SPHKAP: variants seen among roughly 807,000 people sequenced by gnomAD.
SPHKAP encodes A-kinase anchor protein SPHKAP.
Under a neutral mutation model 137.5 loss-of-function variants are expected in SPHKAP, and 67 were observed. The ratio of observed to expected loss-of-function variants is 0.49; its 90% CI spans 0.40 to 0.60. SPHKAP has a LOEUF of 0.60. Ranked by LOEUF, SPHKAP falls within the 20% of genes least tolerant of loss-of-function variation. The pLI is 0.00. For synonymous variants in SPHKAP, 813 were observed against 785.3 expected (o/e 1.04, Z -0.59); for missense variants, 2,097 against 2,069.3 (o/e 1.01, Z -0.26).
chr2:228,103,068 C>T (rs1698226729), intron 3 of SPHKAP, among the ~76,000 whole-genome samples: 1 of 152,156 alleles, frequency 6.6e-6, no homozygotes, highest in African/African-American at 2.4e-5. Context: ...TCATGTTTCA[C>T]TTTTCTTGGT....
intron 1 of SPHKAP, chr2:228,172,888 C>T (rs1446323290): frequency 4.5e-6 from 1 of 222,310 alleles, no homozygotes; most frequent in Non-Finnish European, 7.5e-6. Context: ...CATATCCCTT[C>T]TGTGCACTTT....
At chr2:228,058,057 T>C (rs868688224) in intron 3 of SPHKAP, among the ~76,000 whole-genome samples, 1 of 152,218 alleles carries the variant, frequency 6.6e-6, no homozygotes, top group Admixed American at 6.5e-5. Context: ...CAGTTCCTTG[T>C]ACATCTACAG....
chr2:228,145,607 T>G (rs2106392071), intron 1 of SPHKAP, among the ~76,000 whole-genome samples: 1 of 152,216 alleles, frequency 6.6e-6, no homozygotes, highest in South Asian at 2.1e-4. Context: ...TCCACTTAAT[T>G]TAGGTAACAA....
In SPHKAP at chr2:228,019,389, T is replaced by C. The variant is rs1385470912; in HGVS notation, c.1465A>G (p.Ser489Gly). 1 of 1,614,178 alleles carries C rather than the reference T, an allele frequency of 6.2e-7. No homozygotes were observed. Among genetic ancestry groups the C allele is most frequent in the South Asian group, 1.1e-5 (1 of 91,088 alleles). Residue 489 changes from serine to glycine, a missense_variant, in exon 7 of 12, where the codon AGC becomes GGC. Physicochemically the swap from Ser to Gly is moderately conservative, Grantham distance 56 (BLOSUM62 0). Transcript: ENST00000392056. ...TSSILSGENS[S>G]RQPQSALEVA... The stretch of plus-strand genomic sequence containing the variant: ...TCTAGAGCACTCTGGGGTTGTCTGC[T>C]GGAGTTCTCTCCAGAGAGGATGCTT...
At chr2:228,082,239 G>A (rs1697386943) in intron 3 of SPHKAP, among the ~76,000 whole-genome samples, 1 of 152,086 alleles carries the variant, frequency 6.6e-6, no homozygotes, top group Non-Finnish European at 1.5e-5. Flanking sequence ...TGACATGGCC[G>A]GGAGGAGATT....
At position 228,019,800 on chromosome 2, in the gene SPHKAP, C is replaced by A; in HGVS notation, c.1054G>T (p.Asp352Tyr). The A allele has an allele frequency of 6.2e-7, 1 of 1,614,088 alleles. No homozygotes were observed. The highest frequency in any genetic ancestry group is 1.1e-5 in the South Asian group (1 of 91,054). The change falls in exon 7 of 12, where the codon GAT becomes TAT. Residue 352 changes from aspartate to tyrosine, a missense_variant. Physicochemically the swap from Asp to Tyr is radical, Grantham distance 160. Transcript: ENST00000392056. ...KDAYFSMMDKDVPSACAVAEQ... is the reference protein window; with the variant it reads ...KDAYFSMMDKYVPSACAVAEQ... ...GCCACAGCACATGCAGAAGGTACAT[C>A]TTTATCCATCATGGAGAAATAAGCA...
chr2:228,113,621 CTCTCTCTCT>C (rs1358155923), intron 2 of SPHKAP, among the ~76,000 whole-genome samples: 1 of 140,304 alleles, frequency 7.1e-6, no homozygotes, highest in East Asian at 2.0e-4. Flanking sequence ...CTCTCTCTCT[CTCTCTCTCT>C]CTCTCTCTCT....
At chr2:227,994,022 C>T in intron 8 of SPHKAP, 1 of 985,092 alleles carries the variant, frequency 1.0e-6, no homozygotes, top group Non-Finnish European at 1.2e-6. Flanking sequence ...GAAGGAACTT[C>T]TGAAAACATG....
chr2:228,052,940 A>C lies in SPHKAP; in HGVS notation c.247-25397T>G, dbSNP rs796963689. Among the ~76,000 whole-genome samples the C allele has an allele frequency of 1.4e-4, 21 of 152,246 alleles. 1 individual carries two copies. The highest frequency in any genetic ancestry group is 5.1e-4 in the African/African-American group (21 of 41,540). On this transcript the variant is annotated intron_variant, in intron 3 of 11. Transcript: ENST00000392056. ...TCATATCCTTAGAAGACTTCTTACT[A>C]TAGTCTGTATAGTAAGAGCTAATCT...
intron 6 of SPHKAP, among the ~76,000 whole-genome samples, chr2:228,021,203 TTC>T (rs1468617012): frequency 2.0e-5 from 3 of 152,164 alleles, no homozygotes; most frequent in African/African-American, 7.2e-5. Context: ...GATTATCTCT[TTC>T]TGTCTTCACA....
At chr2:228,002,533 T>C (rs902286510) in intron 7 of SPHKAP, among the ~76,000 whole-genome samples, 1 of 152,220 alleles carries the variant, frequency 6.6e-6, no homozygotes, top group Non-Finnish European at 1.5e-5. Context: ...TTCACTCTGA[T>C]GGTAGTTTCT....
At chr2:228,170,577 A>C (rs984501392) in intron 1 of SPHKAP, among the ~76,000 whole-genome samples, 14 of 152,116 alleles carry the variant, frequency 9.2e-5, no homozygotes, top group South Asian at 4.1e-4. Context: ...ACCCACCACT[A>C]GCAAAAGATC....
At chr2:228,061,561 C>T (rs72973749) in intron 3 of SPHKAP, among the ~76,000 whole-genome samples, 30,849 of 151,990 alleles carry the variant, frequency 0.2, 3,985 homozygotes, top group South Asian at 0.42. Flanking sequence ...CATGAGCCAC[C>T]GCGCCCGACC....
At chr2:228,082,381 G>A (rs1350900563) in intron 3 of SPHKAP, among the ~76,000 whole-genome samples, 6 of 152,116 alleles carry the variant, frequency 3.9e-5, no homozygotes, top group Non-Finnish European at 7.4e-5. Flanking sequence ...GCTACTTCAT[G>A]GGGTTGCTGT....
chr2:227,985,074 C>T (rs1278398385), intron 11 of SPHKAP, among the ~76,000 whole-genome samples: 1 of 152,150 alleles, frequency 6.6e-6, no homozygotes, highest in African/African-American at 2.4e-5. Context: ...GCCCTAACAC[C>T]AGCTTCTTTC....
chr2:228,042,416 G>A (rs910621304), intron 3 of SPHKAP, among the ~76,000 whole-genome samples: 22 of 151,992 alleles, frequency 1.4e-4, no homozygotes, highest in Non-Finnish European at 1.9e-4. Context: ...ACCATATGAC[G>A]TATCCATTTA....
chr2:228,119,296 A>C (rs995195973), intron 2 of SPHKAP, among the ~76,000 whole-genome samples: 1 of 152,198 alleles, frequency 6.6e-6, no homozygotes, highest in African/African-American at 2.4e-5. Context: ...TTCATTGAAA[A>C]GACATTCATT....
At chr2:228,028,751 T>C (rs6436746) in intron 3 of SPHKAP, among the ~76,000 whole-genome samples, 89,249 of 151,996 alleles carry the variant, frequency 0.59, 27,065 homozygotes, top group African/African-American at 0.74. Flanking sequence ...TGTCTAAGTA[T>C]AGTCTATGAT....
chr2:228,115,211 A>G (rs1698669465), intron 2 of SPHKAP, among the ~76,000 whole-genome samples: 1 of 152,078 alleles, frequency 6.6e-6, no homozygotes, highest in African/African-American at 2.4e-5. Context: ...GGAATTAATT[A>G]CCACCTGGAG....
Sources: gnomAD v4.1 joint callset for allele counts (sites outside exome capture counted in the v4.1 genomes callset) on GRCh38, gnomAD v4.1.1 for gene constraint, MANE v1.5 for transcripts, NCBI Gene and HGNC (gene_info 2026-07-23, HGNC 2026-07-21) for gene names.